Variants in KCNQ1OT1 observed in about 807,000 individuals in gnomAD.
The protein encoded by KCNQ1OT1 is KCNQ1 antisense RNA 2 (non-protein coding).
In KCNQ1OT1 at chr11:2,612,045, CAT is replaced by C; in HGVS notation, n.87948_87949del. On this transcript the variant is annotated non_coding_transcript_exon_variant, in exon 1 of 1. Coordinates refer to ENST00000597346, the Ensembl canonical transcript of KCNQ1OT1. This position sits in a 1 kb window ranked among gnomAD's most constrained non-coding sequence, Gnocchi z 5.5. ...CACATATGTTTTCTACTCTTAATTA[CAT>C]ATATGTTACAACTTAATTACACATA... 1 of 398,606 alleles carries C rather than the reference CAT, an allele frequency of 2.5e-6. No individual in the cohort carries two copies. Among genetic ancestry groups the C allele is most frequent in the Non-Finnish European group, 4.4e-6 (1 of 226,064 alleles). The allele number at this position is 398,606 out of a possible 1,614,324, so 24.7% of individuals were successfully genotyped here. A position where few individuals can be genotyped will look rare whatever the true frequency, so the allele number is the denominator to read the frequency against.
exon 1 of KCNQ1OT1, chr11:2,662,998 G>A (rs1303605270): frequency 7.5e-6 from 3 of 398,654 alleles, no homozygotes; most frequent in Non-Finnish European, 1.3e-5. Context: ...GCCTGGCCTT[G>A]CAAATCACTG....
In KCNQ1OT1 at chr11:2,624,035, C is replaced by T. The variant is rs941401731; in HGVS notation, n.75960G>A. 2.5e-6 allele frequency: 1 copy of T among 399,468 alleles called. No individual in the cohort carries two copies. Among genetic ancestry groups the T allele is most frequent in the Non-Finnish European group, 4.4e-6 (1 of 226,848 alleles). The allele number at this position is 399,468 out of a possible 1,614,324, so 24.7% of individuals were successfully genotyped here. On this transcript the variant is annotated non_coding_transcript_exon_variant, in exon 1 of 1. Transcript: ENST00000597346. This position sits in a 1 kb window ranked among gnomAD's most constrained non-coding sequence, Gnocchi z 4.9. ...CTGTACCATTTTGCATTCCCACCAG[C>T]AATGGATGAGTGTTCCTGTTGCCCC... is the stretch of plus-strand genomic sequence containing the variant.
Position 2,687,028 on chromosome 11 carries a change from A to G in KCNQ1OT1, n.12967T>C, listed in dbSNP as rs1472978056. 2.5e-6 allele frequency: 1 copy of G among 398,508 alleles called. No individual in the cohort carries two copies. Among genetic ancestry groups the G allele is most frequent in the African/African-American group, 2.1e-5 (1 of 48,614 alleles). 24.7% of individuals were successfully genotyped at this position (398,508 alleles called of 1,614,324 possible). A position where few individuals can be genotyped will look rare whatever the true frequency, so the allele number is the denominator to read the frequency against. ...ATGGGAGCAAGAGCTTAGGGCTAAA[A>G]CTCAGCAGTCCCAGCTCTGGGGGAC... On this transcript the variant is annotated non_coding_transcript_exon_variant, in exon 1 of 1. Coordinates refer to ENST00000597346, the Ensembl canonical transcript of KCNQ1OT1. This position sits in a 1 kb window ranked among gnomAD's most constrained non-coding sequence, Gnocchi z 5.0.
At chr11:2,636,377 G>A (rs1319497182) in exon 1 of KCNQ1OT1, 1 of 151,794 alleles carries the variant, frequency 6.6e-6, no homozygotes, top group African/African-American at 2.4e-5. Context: ...CTAATTTATT[G>A]AGAGTTTTTA....
At chr11:2,696,174 A>G (rs1205788266) in exon 1 of KCNQ1OT1, 1 of 398,528 alleles carries the variant, frequency 2.5e-6, no homozygotes, top group Non-Finnish European at 4.4e-6. Context: ...GATCCTGTTT[A>G]AGAACCCCAC....
chr11:2,609,281 TG>T (rs1848935539), exon 1 of KCNQ1OT1: 2 of 398,360 alleles, frequency 5.0e-6, no homozygotes, highest in East Asian at 7.1e-5. Flanking sequence ...TTTCACCCAT[TG>T]ATTATTTAAG....
exon 1 of KCNQ1OT1, chr11:2,699,725 G>GGTGCCCTGA (rs1850756555): frequency 8.4e-5 from 24 of 284,860 alleles, no homozygotes; most frequent in African/African-American, 1.6e-4. Flanking sequence ...GGAGTCCCCG[G>GGTGCCCTGA]GGAGAACTGC....
At chr11:2,610,991 G>C (rs377576389) in exon 1 of KCNQ1OT1, 1 of 398,216 alleles carries the variant, frequency 2.5e-6, no homozygotes, top group East Asian at 3.6e-5. Flanking sequence ...TATTATTGTT[G>C]AGTTGTCTAT....
exon 1 of KCNQ1OT1, chr11:2,675,535 A>G (rs993050344): frequency 7.5e-6 from 3 of 398,482 alleles, no homozygotes; most frequent in Non-Finnish European, 1.3e-5. Flanking sequence ...TTCCAGAATC[A>G]CTCCACTGGA....
exon 1 of KCNQ1OT1, chr11:2,699,184 A>G: frequency 2.5e-6 from 1 of 398,736 alleles, no homozygotes; most frequent in Non-Finnish European, 4.4e-6. Flanking sequence ...ATAGACCCGG[A>G]ATCCGATCCT....
At position 2,678,534 on chromosome 11, in the gene KCNQ1OT1, T is replaced by C. The variant is rs556715980; in HGVS notation, n.21461A>G. The C allele has an allele frequency of 8.8e-5, 35 of 398,628 alleles. No individual in the cohort carries two copies. Among genetic ancestry groups the C allele is most frequent in the African/African-American group, 6.8e-4 (33 of 48,764 alleles). The allele number at this position is 398,628 out of a possible 1,614,324, so 24.7% of individuals were successfully genotyped here. On this transcript the variant is annotated non_coding_transcript_exon_variant, in exon 1 of 1. Transcript: ENST00000597346. This position sits in a 1 kb window ranked among gnomAD's most constrained non-coding sequence, Gnocchi z 4.9. ...CTATTCTGGACTGCTGATGGGCCTG[T>C]TGATAGGCCAGAGCTCAGTTATTTT...
Position 2,690,573 on chromosome 11 carries a change from C to A in KCNQ1OT1, n.9422G>T. 1 of 398,670 alleles carries A rather than the reference C, an allele frequency of 2.5e-6. No individual in the cohort carries two copies. 24.7% of individuals were successfully genotyped at this position (398,670 alleles called of 1,614,324 possible). On this transcript the variant is annotated non_coding_transcript_exon_variant, in exon 1 of 1. Transcript: ENST00000597346. This position sits in a 1 kb window ranked among gnomAD's most constrained non-coding sequence, Gnocchi z 5.1. ...AAGAAGTAACATGTCAAAGATGGGA[C>A]AGAACCCACCTCCTGGCAGGGAGTG... is the stretch of plus-strand genomic sequence containing the variant.
rs1385652345 is a variant in KCNQ1OT1, at chr11:2,612,897, CATTT to C, written n.87094_87097del. 1.0e-5 allele frequency: 4 copies of C among 398,402 alleles called. No individual in the cohort carries two copies. The highest frequency in any genetic ancestry group is 6.2e-5 in the African/African-American group (3 of 48,600). 24.7% of individuals were successfully genotyped at this position (398,402 alleles called of 1,614,324 possible). On this transcript the variant is annotated non_coding_transcript_exon_variant, in exon 1 of 1. Coordinates refer to ENST00000597346, the Ensembl canonical transcript of KCNQ1OT1. This position sits in a 1 kb window ranked among gnomAD's most constrained non-coding sequence, Gnocchi z 5.5. Reference sequence around the variant, plus strand: ...CTAACCAGGGATGATTTCTGTTACTCATTTATTTGTTTGCTCGCTTGTGTATGCC... The same window carrying C: ...CTAACCAGGGATGATTTCTGTTACTCATTTGTTTGCTCGCTTGTGTATGCC...
chr11:2,694,061 G>A, exon 1 of KCNQ1OT1: 1 of 398,706 alleles, frequency 2.5e-6, no homozygotes, highest in Non-Finnish European at 4.4e-6. Context: ...AGGGACGGCA[G>A]CTGACACGTA....
rs1849871445 is a variant in KCNQ1OT1, at chr11:2,657,537, A to G, written n.42458T>C. On this transcript the variant is annotated non_coding_transcript_exon_variant, in exon 1 of 1. Coordinates refer to ENST00000597346, the Ensembl canonical transcript of KCNQ1OT1. This position sits in a 1 kb window ranked among gnomAD's most constrained non-coding sequence, Gnocchi z 4.8. Reference sequence around the variant, plus strand: ...AACAAAAATAGTACCGAGTACCCACATCCCTTTCACCAGCTTCCCCTAATG... The same window carrying G: ...AACAAAAATAGTACCGAGTACCCACGTCCCTTTCACCAGCTTCCCCTAATG... 1 of 398,488 alleles carries G rather than the reference A, an allele frequency of 2.5e-6. No individual in the cohort carries two copies. The highest frequency in any genetic ancestry group is 2.1e-5 in the African/African-American group (1 of 48,640). 24.7% of individuals were successfully genotyped at this position (398,488 alleles called of 1,614,324 possible).
rs909047201 is a variant in KCNQ1OT1, at chr11:2,691,168, T to A, written n.8827A>T. On this transcript the variant is annotated non_coding_transcript_exon_variant, in exon 1 of 1. Transcript: ENST00000597346. This position sits in a 1 kb window ranked among gnomAD's most constrained non-coding sequence, Gnocchi z 6.4. The stretch of plus-strand genomic sequence containing the variant: ...GCTGGCCTCTGGCCTCTCACAGCCT[T>A]GGGAGGGGTGCTCAGAGCTCAGCTG... 7.5e-6 allele frequency: 3 copies of A among 398,610 alleles called. No individual in the cohort carries two copies. Among genetic ancestry groups the A allele is most frequent in the Middle Eastern group, 6.3e-4 (1 of 1,588 alleles). 24.7% of individuals were successfully genotyped at this position (398,610 alleles called of 1,614,324 possible).
rs1004146690 is a variant in KCNQ1OT1 at position 2,689,068 on chromosome 11, G to A, written n.10927C>T. On this transcript the variant is annotated non_coding_transcript_exon_variant, in exon 1 of 1. Transcript: ENST00000597346. ...GAGGGGCAGTTACCTCCTCCTCCCC[G>A]GTGGCACATCCGGCCTGGAAGTTGG... 2.0e-5 allele frequency: 8 copies of A among 398,694 alleles called. 1 individual carries two copies. In the South Asian group the frequency reaches 8.9e-4, roughly 44 times the overall value. 24.7% of individuals were successfully genotyped at this position (398,694 alleles called of 1,614,324 possible).
At chr11:2,660,256 C>T in exon 1 of KCNQ1OT1, 3 of 398,202 alleles carry the variant, frequency 7.5e-6, no homozygotes. Context: ...ATCATCTGTC[C>T]TATCAGGCAT....
chr11:2,648,163 C>T (rs1849695980), exon 1 of KCNQ1OT1: 2 of 395,444 alleles, frequency 5.1e-6, no homozygotes, highest in Non-Finnish European at 8.9e-6. Context: ...CAAGATCACA[C>T]CACTGCGCTC....
Sources: allele counts gnomAD v4.1 joint callset, GRCh38; gene constraint gnomAD v4.1.1; non-coding constraint Gnocchi (gnomAD v3.1); transcripts MANE v1.5; gene names NCBI Gene and HGNC (gene_info 2026-07-23, HGNC 2026-07-21).